The following WDR31 variants were observed in gnomAD, a reference collection of about 807,000 sequenced individuals.
WDR31 encodes the protein WD repeat-containing protein 31.
WDR31 carries 30 observed loss-of-function variants against 47.3 expected under a neutral mutation model. That is an observed-to-expected ratio of 0.63 (90% confidence interval 0.47 to 0.86). WDR31 has a LOEUF of 0.86. Among genes scored for constraint, WDR31 ranks in the 40% least tolerant of loss-of-function variants. The pLI, the probability that WDR31 is intolerant of heterozygous loss-of-function variation, is 0.00. For missense variants in WDR31, 406 were observed against 442.9 expected (o/e 0.92, Z 0.75); for synonymous variants, 137 against 159.4 (o/e 0.86, Z 1.06).
rs1003674556 is a variant in WDR31 at position 113,313,626 on chromosome 9, A to G, written c.*3123T>C. The G allele has an allele frequency of 1.3e-5, 2 of 152,190 alleles. No individual in the cohort carries two copies. Among genetic ancestry groups the G allele is most frequent in the Non-Finnish European group, 2.9e-5 (2 of 68,046 alleles). 9.4% of individuals were successfully genotyped at this position (152,190 alleles called of 1,614,324 possible). On this transcript the variant is annotated 3_prime_UTR_variant, in exon 11 of 11. Transcript: ENST00000374193. ...GATTCATACCTCAGCTCTTCTTAAT[A>G]TGTGTGTGACTTTGGGCAAAGTACT...
At chr9:113,325,411 A>T (rs1452865636) in intron 5 of WDR31, among the ~76,000 whole-genome samples, 1 of 151,890 alleles carries the variant, frequency 6.6e-6, no homozygotes, top group Non-Finnish European at 1.5e-5. Context: ...TTTTTGAAAA[A>T]CACTTTGTCA....
intron 3 of WDR31, 143 bp from the exon 4 acceptor site, chr9:113,331,259 G>A: frequency 3.4e-6 from 2 of 586,108 alleles, no homozygotes; most frequent in Non-Finnish European, 5.5e-6. Flanking sequence ...GAAGAGAAGG[G>A]AGACCCATTT....
chr9:113,316,469 C>A lies in WDR31; in HGVS notation c.*280G>T, dbSNP rs1564292100. The A allele has an allele frequency of 3.2e-6, 1 of 314,724 alleles. No homozygotes were observed. The highest frequency in any genetic ancestry group is 5.9e-6 in the Non-Finnish European group (1 of 169,940). 19.5% of individuals were successfully genotyped at this position (314,724 alleles called of 1,614,324 possible). ...ACAGGTCATCATTCTGAGCAATACACTTTTTTTGAAGAGTAGTCCTAAAAG... is the reference window on the plus strand; with the variant it reads ...ACAGGTCATCATTCTGAGCAATACAATTTTTTTGAAGAGTAGTCCTAAAAG... On this transcript the variant is annotated 3_prime_UTR_variant, in exon 11 of 11. Transcript: ENST00000374193.
In WDR31 at chr9:113,331,950, C is replaced by A; in HGVS notation, c.73G>T (p.Gly25Trp). Reference protein sequence around the residue: ...KVSFRFCVVMGKQQSKLKHST... With the variant: ...KVSFRFCVVMWKQQSKLKHST... ...TGTTTGAGTTTGCTTTGCTGTTTCC[C>A]CATCACGACACAAAACCTAAACGAA... Residue 25 changes from glycine (G) to tryptophan (W), a missense_variant, in exon 3 of 11, where the codon GGG (glycine) becomes TGG (tryptophan). Gly to Trp is a radical substitution (Grantham distance 184). Coordinates refer to ENST00000374193, the MANE Select transcript of WDR31 (RefSeq NM_001012361.4). 1 of 1,613,936 alleles carries A rather than the reference C, an allele frequency of 6.2e-7. No homozygotes were observed. The highest frequency in any genetic ancestry group is 8.5e-7 in the Non-Finnish European group (1 of 1,179,886).
At chr9:113,334,703 C>CTTTTTTTTTT (rs71367719) in intron 2 of WDR31, among the ~76,000 whole-genome samples, 229 of 63,008 alleles carry the variant, frequency 3.6e-3, no homozygotes, top group South Asian at 6.0e-3. Flanking sequence ...CTACATCAGG[C>CTTTTTTTTTT]TTTTTTTTTT....
At chr9:113,334,242 C>G (rs1833668635) in intron 2 of WDR31, among the ~76,000 whole-genome samples, 1 of 152,106 alleles carries the variant, frequency 6.6e-6, no homozygotes, top group Admixed American at 6.5e-5. Context: ...GCCTTGGCCT[C>G]CCAAAGTGGG....
At chr9:113,333,593 G>A (rs542690939) in intron 2 of WDR31, among the ~76,000 whole-genome samples, 2 of 151,290 alleles carry the variant, frequency 1.3e-5, no homozygotes, top group African/African-American at 4.8e-5. Flanking sequence ...TTGTTAGCCA[G>A]GATGGTCTCG....
chr9:113,332,718 T>C (rs1049091526), intron 2 of WDR31, among the ~76,000 whole-genome samples: 3 of 152,166 alleles, frequency 2.0e-5, no homozygotes, highest in Admixed American at 6.5e-5. Flanking sequence ...AGGCTAGATA[T>C]AGTTTGGATA....
At chr9:113,332,385 A>C (rs1249359283) in intron 2 of WDR31, among the ~76,000 whole-genome samples, 1 of 152,224 alleles carries the variant, frequency 6.6e-6, no homozygotes, top group Non-Finnish European at 1.5e-5. Flanking sequence ...CAAAAAGTGA[A>C]AACAACTCAA....
chr9:113,316,721 G>T lies in WDR31; in HGVS notation c.*28C>A. The stretch of plus-strand genomic sequence containing the variant: ...CCATGCTGAGGAGGAGCCATGGTTT[G>T]ATATTGTCCAGTGAGTGTCTCTTGG... On this transcript the variant is annotated 3_prime_UTR_variant, in exon 11 of 11. Transcript: ENST00000374193. The T allele has an allele frequency of 6.2e-7, 1 of 1,603,594 alleles. No individual in the cohort carries two copies. Among genetic ancestry groups the T allele is most frequent in the South Asian group, 1.1e-5 (1 of 89,378 alleles).
At chr9:113,317,343 C>T (rs528879034) in intron 10 of WDR31, among the ~76,000 whole-genome samples, 2 of 152,280 alleles carry the variant, frequency 1.3e-5, no homozygotes, top group Admixed American at 1.3e-4. Context: ...TTTCAGCTGA[C>T]CCATCTCCCT....
intron 7 of WDR31, 91 bp downstream of exon 7, chr9:113,322,720 G>T: frequency 1.5e-6 from 2 of 1,326,756 alleles, no homozygotes; most frequent in Non-Finnish European, 2.1e-6. Context: ...TCTAATTTCT[G>T]CTCATGGGCC....
rs1160935381 is a variant in WDR31 at position 113,315,875 on chromosome 9, T to A, written c.*874A>T. On this transcript the variant is annotated 3_prime_UTR_variant, in exon 11 of 11. Transcript: ENST00000374193. ...TGATCTGCCTGCCTCGTTTTTCCTG[T>A]ATGTTCTAATGTTATTTCAGGGATC... is the stretch of plus-strand genomic sequence containing the variant. 2.0e-5 allele frequency: 3 copies of A among 152,222 alleles called. No individual in the cohort carries two copies. Among genetic ancestry groups the A allele is most frequent in the Non-Finnish European group, 4.4e-5 (3 of 68,060 alleles). The allele number at this position is 152,222 out of a possible 1,614,324, so 9.4% of individuals were successfully genotyped here.
chr9:113,338,076 C>A (rs1393622922), intron 1 of WDR31, among the ~76,000 whole-genome samples: 1 of 152,154 alleles, frequency 6.6e-6, no homozygotes, highest in Non-Finnish European at 1.5e-5. Context: ...GCATATAAAG[C>A]TTTTGGTTCA....
chr9:113,323,409 C>A (rs1367755193), intron 5 of WDR31, among the ~76,000 whole-genome samples: 1 of 152,092 alleles, frequency 6.6e-6, no homozygotes, highest in Non-Finnish European at 1.5e-5. Context: ...TTACAGGCAC[C>A]AGCCACCACG....
In WDR31 at chr9:113,314,265, A is replaced by T; in HGVS notation, c.*2484T>A. 6.6e-6 allele frequency: 1 copy of T among 150,920 alleles called. No individual in the cohort carries two copies. Among genetic ancestry groups the T allele is most frequent in the Non-Finnish European group, 1.5e-5 (1 of 67,854 alleles). The allele number at this position is 150,920 out of a possible 1,614,324, so 9.3% of individuals were successfully genotyped here. On this transcript the variant is annotated 3_prime_UTR_variant, in exon 11 of 11. Transcript: ENST00000374193. ...AGTCTCTCTCTGTTGCCTAGGCTGG[A>T]GTGCAATGGCACAATCTCAGCTCAC...
At chr9:113,328,334 C>A (rs1037220053) in intron 5 of WDR31, among the ~76,000 whole-genome samples, 2 of 152,170 alleles carry the variant, frequency 1.3e-5, no homozygotes, top group African/African-American at 2.4e-5. Flanking sequence ...TGCCTAGTTT[C>A]ATTATAAATG....
intron 8 of WDR31, 98 bp downstream of exon 8, chr9:113,321,413 C>G: frequency 2.4e-6 from 3 of 1,247,104 alleles, no homozygotes; most frequent in South Asian, 1.3e-5. Flanking sequence ...CTGGGAAGGG[C>G]AGAGCAATGT....
chr9:113,331,859 T>C (rs201898065), intron 3 of WDR31, 48 bp downstream of exon 3: 1 of 1,574,390 alleles, frequency 6.4e-7, no homozygotes, highest in East Asian at 2.3e-5. Context: ...GTGGAGAGTT[T>C]TAATGGGGCA....
Sources: allele counts gnomAD v4.1 joint callset (sites outside exome capture counted in the v4.1 genomes callset), GRCh38; gene constraint gnomAD v4.1.1; transcripts MANE v1.5; gene names NCBI Gene and HGNC (gene_info 2026-07-23, HGNC 2026-07-21).